The following RNF38 variants were observed in gnomAD, a reference collection of about 807,000 sequenced individuals.
RNF38 encodes the protein E3 ubiquitin-protein ligase RNF38.
In RNF38, 15 loss-of-function variants were observed where a neutral mutation model predicts 67.2. That is an observed-to-expected ratio of 0.22 (90% CI 0.15 to 0.34). The LOEUF is 0.34. RNF38 is among the 10% of genes least tolerant of loss of function. RNF38 has a pLI of 1.00. For missense variants in RNF38, 524 were observed against 639.9 expected, an observed-to-expected ratio of 0.82 and a Z score of 1.95; for synonymous variants, 220 against 218.8, an observed-to-expected ratio of 1.01 and a Z score of -0.05.
chr9:36,371,315 C>G (rs1349772240), intron 3 of RNF38, among the ~76,000 whole-genome samples: 2 of 152,174 alleles, frequency 1.3e-5, no homozygotes, highest in Non-Finnish European at 2.9e-5. Context: ...ATTGTCCCTC[C>G]AGCTTCTTGC....
At chr9:36,423,351 A>G (rs1564056919) in intron 2 of RNF38, among the ~76,000 whole-genome samples, 2 of 152,210 alleles carry the variant, frequency 1.3e-5, no homozygotes, top group Non-Finnish European at 1.5e-5. Context: ...AACAGAACAA[A>G]GAAACCATTT....
intron 2 of RNF38, among the ~76,000 whole-genome samples, chr9:36,376,334 C>T (rs1239256836): frequency 6.6e-6 from 1 of 152,016 alleles, no homozygotes; most frequent in African/African-American, 2.4e-5. Context: ...GTAAATGATA[C>T]GAAGTGAAAA....
intron 1 of RNF38, among the ~76,000 whole-genome samples, chr9:36,441,498 C>G (rs1332331190): frequency 6.6e-6 from 1 of 151,964 alleles, no homozygotes; most frequent in South Asian, 2.1e-4. Context: ...GCTAATTTTT[C>G]TATTTTTAGT....
intron 1 of RNF38, among the ~76,000 whole-genome samples, chr9:36,454,959 T>A (rs944869174): frequency 6.6e-6 from 1 of 152,226 alleles, no homozygotes; most frequent in Non-Finnish European, 1.5e-5. Context: ...TGTATCCAAC[T>A]AAACTTCATT....
intron 1 of RNF38, among the ~76,000 whole-genome samples, chr9:36,393,523 G>GTGTGTGTGTGTGTGTGTGTGTGT (rs1554689616): frequency 1.2e-5 from 1 of 83,568 alleles, no homozygotes; most frequent in East Asian, 3.0e-4. Context: ...GTGTGTGTGT[G>GTGTGTGTGTGTGTGTGTGTGTGT]GGGCAGGCAG....
At chr9:36,342,847 A>G (rs1333836117) in intron 10 of RNF38, among the ~76,000 whole-genome samples, 4 of 152,212 alleles carry the variant, frequency 2.6e-5, no homozygotes, top group Non-Finnish European at 5.9e-5. Flanking sequence ...GGATTAGACA[A>G]TGGTTTCTTG....
intron 2 of RNF38, among the ~76,000 whole-genome samples, chr9:36,379,334 A>T (rs1276340810): frequency 1.3e-5 from 2 of 152,262 alleles, no homozygotes; most frequent in African/African-American, 4.8e-5. Context: ...AAGGAACTTC[A>T]AAGAAATTCT....
At chr9:36,354,039 T>A (rs1036013933) in intron 6 of RNF38, among the ~76,000 whole-genome samples, 1 of 152,186 alleles carries the variant, frequency 6.6e-6, no homozygotes, top group African/African-American at 2.4e-5. Flanking sequence ...TGACATATGA[T>A]AAAAGGAATT....
intron 2 of RNF38, among the ~76,000 whole-genome samples, chr9:36,410,169 A>G (rs1838287713): frequency 6.6e-6 from 1 of 152,240 alleles, no homozygotes; most frequent in African/African-American, 2.4e-5. Context: ...ATAATCATAT[A>G]CTAAATAAAT....
At chr9:36,387,459 A>T (rs1225097839) in intron 2 of RNF38, among the ~76,000 whole-genome samples, 2 of 152,226 alleles carry the variant, frequency 1.3e-5, no homozygotes, top group African/African-American at 2.4e-5. Flanking sequence ...CTTCAATCAC[A>T]ACCATTGAAT....
In RNF38 at chr9:36,336,797, G is replaced by T. The variant is rs920918361; in HGVS notation, c.*2955C>A. The T allele has an allele frequency of 6.6e-6, 1 of 152,412 alleles. No individual in the cohort carries two copies. The highest frequency in any genetic ancestry group is 2.4e-5 in the African/African-American group (1 of 41,408). 9.4% of individuals were successfully genotyped at this position (152,412 alleles called of 1,614,324 possible). A position where few individuals can be genotyped will look rare whatever the true frequency, so the allele number is the denominator to read the frequency against. ...TGAAAAATATTCTCACAAGTGAGTCGGTAGATCTCATTCAAAATTATTCTA... is the reference window on the plus strand; with the variant it reads ...TGAAAAATATTCTCACAAGTGAGTCTGTAGATCTCATTCAAAATTATTCTA... On this transcript the variant is annotated 3_prime_UTR_variant, in exon 12 of 12. Coordinates refer to ENST00000259605, the MANE Select transcript of RNF38 (RefSeq NM_022781.5).
At chr9:36,485,937 T>C (rs1357325783) in intron 1 of RNF38, among the ~76,000 whole-genome samples, 1 of 152,140 alleles carries the variant, frequency 6.6e-6, no homozygotes, top group Non-Finnish European at 1.5e-5. Context: ...ATAGCTGTCC[T>C]TACTAAAAGA....
chr9:36,431,322 A>C (rs572676271), intron 1 of RNF38, among the ~76,000 whole-genome samples: 2 of 152,164 alleles, frequency 1.3e-5, no homozygotes, highest in Non-Finnish European at 2.9e-5. Flanking sequence ...CTGCCCCTAG[A>C]GCACAAACCT....
chr9:36,388,651 CAATT>C (rs1314187541), intron 2 of RNF38, among the ~76,000 whole-genome samples: 1 of 152,072 alleles, frequency 6.6e-6, no homozygotes, highest in African/African-American at 2.4e-5. Flanking sequence ...GGAAATCAAT[CAATT>C]AACTTCTTTA....
At chr9:36,432,514 G>A (rs559125645) in intron 1 of RNF38, among the ~76,000 whole-genome samples, 1 of 152,280 alleles carries the variant, frequency 6.6e-6, no homozygotes, top group Non-Finnish European at 1.5e-5. Context: ...CTATTGGCCA[G>A]GCGCAGTGGC....
chr9:36,465,332 T>C (rs1839834973), intron 1 of RNF38, among the ~76,000 whole-genome samples: 1 of 152,190 alleles, frequency 6.6e-6, no homozygotes, highest in Non-Finnish European at 1.5e-5. Context: ...CAAGTGTTCA[T>C]AGCAGCATTC....
intron 1 of RNF38, among the ~76,000 whole-genome samples, chr9:36,397,965 C>G (rs1175568888): frequency 6.6e-6 from 1 of 152,144 alleles, no homozygotes; most frequent in African/African-American, 2.4e-5. Flanking sequence ...CTCCCTCTCC[C>G]TCTCTCCAAA....
At chr9:36,341,187 T>C (rs1832797345) in intron 11 of RNF38, among the ~76,000 whole-genome samples, 1 of 152,212 alleles carries the variant, frequency 6.6e-6, no homozygotes, top group Non-Finnish European at 1.5e-5. Flanking sequence ...CTTTTCCCAC[T>C]CTTCCTCACA....
intron 9 of RNF38, among the ~76,000 whole-genome samples, chr9:36,346,454 G>A (rs1833247475): frequency 6.6e-6 from 1 of 152,154 alleles, no homozygotes; most frequent in South Asian, 2.1e-4. Context: ...GCCTCCCAAA[G>A]TGCTGGGACT....
Sources: allele counts gnomAD v4.1 joint callset (sites outside exome capture counted in the v4.1 genomes callset), GRCh38; gene constraint gnomAD v4.1.1; transcripts MANE v1.5; gene names NCBI Gene and HGNC (gene_info 2026-07-23, HGNC 2026-07-21).